TMEM132D: variants seen among roughly 807,000 people sequenced by gnomAD.
The protein encoded by TMEM132D is mature OL transmembrane protein.
TMEM132D carries 21 observed loss-of-function variants against 62.3 expected under a neutral mutation model. That is an observed-to-expected ratio of 0.34 (90% CI 0.24 to 0.49). TMEM132D has a LOEUF of 0.49. Among genes scored for constraint, TMEM132D ranks in the 20% least tolerant of loss-of-function variants. The probability of loss-of-function intolerance (pLI) is 0.99; values close to 1 mark genes in which losing one functional copy is unlikely to be tolerated. For missense variants in TMEM132D, 1,346 were observed against 1,402.8 expected, an observed-to-expected ratio of 0.96 and a Z score of 0.65; for synonymous variants, 621 against 575.6, an observed-to-expected ratio of 1.08 and a Z score of -1.13.
chr12:129,749,347 G>A (rs1451970379), intron 1 of TMEM132D, among the ~76,000 whole-genome samples: 5 of 152,162 alleles, frequency 3.3e-5, no homozygotes, highest in Non-Finnish European at 7.3e-5. Context: ...CGTGCACAGA[G>A]GCAACCTTCA....
chr12:129,348,693 A>G (rs1405592797), intron 3 of TMEM132D, among the ~76,000 whole-genome samples: 1 of 152,228 alleles, frequency 6.6e-6, no homozygotes, highest in Non-Finnish European at 1.5e-5. Context: ...CATGTTCTGC[A>G]CATGTATCCC....
chr12:129,703,674 G>A (rs563165917), intron 1 of TMEM132D, among the ~76,000 whole-genome samples: 7 of 152,112 alleles, frequency 4.6e-5, no homozygotes, highest in African/African-American at 1.7e-4. Flanking sequence ...ATTCGCTAAG[G>A]ACAAAAATTA....
chr12:129,242,176 G>A (rs1033162801), intron 4 of TMEM132D, among the ~76,000 whole-genome samples: 2 of 152,198 alleles, frequency 1.3e-5, no homozygotes, highest in Non-Finnish European at 2.9e-5. Context: ...GACTTCAGAA[G>A]AATGGGGTTT....
At chr12:129,750,492 T>C (rs1869964396) in intron 1 of TMEM132D, among the ~76,000 whole-genome samples, 1 of 152,236 alleles carries the variant, frequency 6.6e-6, no homozygotes, top group Non-Finnish European at 1.5e-5. Flanking sequence ...GACCTCTCTA[T>C]TCCATTAATA....
intron 1 of TMEM132D, among the ~76,000 whole-genome samples, chr12:129,801,275 C>CAA (rs1362174173): frequency 2.0e-5 from 3 of 152,136 alleles, no homozygotes; most frequent in Admixed American, 6.5e-5. Context: ...AGGGCACAGA[C>CAA]AAATAAAAAG....
chr12:129,726,985 G>C (rs11060516), intron 1 of TMEM132D, among the ~76,000 whole-genome samples: 21,909 of 152,136 alleles, frequency 0.14, 1,746 homozygotes, highest in South Asian at 0.25. Context: ...CCTCAGTGTG[G>C]ATTTATTTGC....
In TMEM132D at chr12:129,899,304, CATGGATGGATGGATGG is replaced by C. The variant is rs61141755; in HGVS notation, c.79+3941_79+3956del. Among the ~76,000 whole-genome samples, 48 of 125,278 alleles carry C rather than the reference CATGGATGGATGGATGG, an allele frequency of 3.8e-4. 2 individuals carry two copies. The highest frequency in any genetic ancestry group is 2.4e-3 in the Admixed American group (31 of 12,960). 82.2% of individuals were successfully genotyped at this position (125,278 alleles called of 152,430 possible). On this transcript the variant is annotated intron_variant, in intron 1 of 8. Coordinates refer to ENST00000422113, the MANE Select transcript of TMEM132D (RefSeq NM_133448.3). ...GCATGGATGGATGGATGGATGCATG[CATGGATGGATGGATGG>C]ATGGATGGATGGATGGATGGATGAT...
At chr12:129,164,090 G>T (rs184588647) in intron 5 of TMEM132D, among the ~76,000 whole-genome samples, 64 of 152,202 alleles carry the variant, frequency 4.2e-4, no homozygotes, top group African/African-American at 1.5e-3. Context: ...TATGCAGCTC[G>T]ATTTATATGC....
At chr12:129,433,123 C>T (rs1872705983) in intron 3 of TMEM132D, among the ~76,000 whole-genome samples, 1 of 152,218 alleles carries the variant, frequency 6.6e-6, no homozygotes, top group African/African-American at 2.4e-5. Context: ...TTGCTGCATA[C>T]TGTTCTATGC....
At chr12:129,198,111 T>C (rs1361584300) in intron 5 of TMEM132D, among the ~76,000 whole-genome samples, 1 of 152,222 alleles carries the variant, frequency 6.6e-6, no homozygotes, top group Non-Finnish European at 1.5e-5. Context: ...TCTGTCAGAA[T>C]GGCTATTATT....
chr12:129,204,015 G>C (rs1343907757), intron 5 of TMEM132D, among the ~76,000 whole-genome samples: 1 of 152,082 alleles, frequency 6.6e-6, no homozygotes, highest in South Asian at 2.1e-4. Flanking sequence ...AAGAAGAAAA[G>C]AGCCAAAAAA....
intron 1 of TMEM132D, among the ~76,000 whole-genome samples, chr12:129,713,166 C>G (rs1565958927): frequency 6.6e-6 from 1 of 152,122 alleles, no homozygotes; most frequent in African/African-American, 2.4e-5. Context: ...CAGGCCCCTC[C>G]CCAGACCCAC....
At chr12:129,075,739 G>A (rs138079488) in intron 8 of TMEM132D, among the ~76,000 whole-genome samples, 1,582 of 152,316 alleles carry the variant, frequency 0.01, 10 homozygotes, top group Middle Eastern at 0.027. Context: ...AACCCAACTG[G>A]AGGAAACTGG....
chr12:129,737,238 C>G (rs1225997589), intron 1 of TMEM132D, among the ~76,000 whole-genome samples: 2 of 152,170 alleles, frequency 1.3e-5, no homozygotes, highest in African/African-American at 4.8e-5. Flanking sequence ...ACAAATGCCA[C>G]CAGCCCACCT....
At chr12:129,291,648 T>C (rs955994604) in intron 4 of TMEM132D, among the ~76,000 whole-genome samples, 1 of 152,156 alleles carries the variant, frequency 6.6e-6, no homozygotes, top group African/African-American at 2.4e-5. Context: ...CAAAGAAATA[T>C]TGATTTAGTT....
rs562387919 is a variant in TMEM132D, at chr12:129,493,426, T to A, written c.1115+37633A>T. ...ACTAAAATATCCAAACAGAACAAAT[T>A]GGTGTCCCATTAAAAGTAAGTCAGG... On this transcript the variant is annotated intron_variant, in intron 3 of 8. Transcript: ENST00000422113. Among the ~76,000 whole-genome samples, 229 of 152,310 alleles carry A rather than the reference T, an allele frequency of 1.5e-3. 1 individual carries two copies. The highest frequency in any genetic ancestry group is 5.3e-3 in the African/African-American group (221 of 41,570).
At chr12:129,401,861 C>T (rs1046855214) in intron 3 of TMEM132D, among the ~76,000 whole-genome samples, 1 of 152,100 alleles carries the variant, frequency 6.6e-6, no homozygotes, top group African/African-American at 2.4e-5. Flanking sequence ...TGGAGGTGTT[C>T]GATAACGTGT....
At chr12:129,349,614 A>G (rs7135313) in intron 3 of TMEM132D, among the ~76,000 whole-genome samples, 5,307 of 152,184 alleles carry the variant, frequency 0.035, 307 homozygotes, top group African/African-American at 0.12. Context: ...CAAATAACCA[A>G]CCTTCACCTC....
chr12:129,484,447 T>A (rs1158874618), intron 3 of TMEM132D, among the ~76,000 whole-genome samples: 1 of 152,204 alleles, frequency 6.6e-6, no homozygotes, highest in South Asian at 2.1e-4. Context: ...TGCTCAGCAA[T>A]TTTGTTTGCT....
Sources: gnomAD v4.1 joint callset for allele counts (sites outside exome capture counted in the v4.1 genomes callset) on GRCh38, gnomAD v4.1.1 for gene constraint, MANE v1.5 for transcripts, NCBI Gene and HGNC (gene_info 2026-07-23, HGNC 2026-07-21) for gene names.